Variants in LINGO1 observed in about 807,000 individuals in gnomAD.
The protein encoded by LINGO1 is leucine rich repeat and Ig domain containing 1.
In LINGO1, 11 loss-of-function variants were observed where a neutral mutation model predicts 37.3. The observed-to-expected ratio is 0.29, with a 90% CI of 0.19 to 0.49. The LOEUF is 0.49. Among genes scored for constraint, LINGO1 ranks in the 20% least tolerant of loss-of-function variants. The pLI is 0.99. For missense variants in LINGO1, 585 were observed against 878.2 expected (o/e 0.67, Z 4.22); for synonymous variants, 387 against 403.0 (o/e 0.96, Z 0.48).
chr15:77,767,549 A>G (rs748131352), intron 1 of LINGO1, among the ~76,000 whole-genome samples: 32 of 152,210 alleles, frequency 2.1e-4, no homozygotes, highest in Admixed American at 1.8e-3. Flanking sequence ...CCCCAGGGTC[A>G]TGGAGATGGA....
At chr15:77,663,548 A>G (rs1430123865) in intron 3 of LINGO1, among the ~76,000 whole-genome samples, 4 of 152,158 alleles carry the variant, frequency 2.6e-5, no homozygotes, top group Non-Finnish European at 4.4e-5. Flanking sequence ...TGGCAGTGAC[A>G]TCTTCAGGTA....
At chr15:77,813,160 T>A (rs1471255159) in intron 1 of LINGO1, among the ~76,000 whole-genome samples, 1 of 152,148 alleles carries the variant, frequency 6.6e-6, no homozygotes, top group Non-Finnish European at 1.5e-5. Context: ...GTTCCCTAAA[T>A]GTAAAGCTGA....
At chr15:77,627,312 C>T (rs1027729097) in intron 1 of LINGO1, among the ~76,000 whole-genome samples, 2 of 152,098 alleles carry the variant, frequency 1.3e-5, no homozygotes, top group African/African-American at 2.4e-5. Flanking sequence ...TGGAATCAAT[C>T]GTTGGTGTAC....
intron 1 of LINGO1, chr15:77,819,172 C>T (rs1397116476): frequency 6.8e-6 from 1 of 147,874 alleles, no homozygotes; most frequent in African/African-American, 2.5e-5. Context: ...AATCAGAGGC[C>T]GCGCGCGCCG....
At chr15:77,628,133 A>G (rs2074148440) in intron 1 of LINGO1, among the ~76,000 whole-genome samples, 1 of 152,222 alleles carries the variant, frequency 6.6e-6, no homozygotes, top group African/African-American at 2.4e-5. Flanking sequence ...GGTCTAACCA[A>G]TTTGGAAAAC....
intron 2 of LINGO1, among the ~76,000 whole-genome samples, chr15:77,794,904 T>C (rs1328240205): frequency 6.6e-6 from 1 of 152,148 alleles, no homozygotes; most frequent in Non-Finnish European, 1.5e-5. Context: ...GCCTAGTGCC[T>C]GGGAAGGAAA....
intron 1 of LINGO1, among the ~76,000 whole-genome samples, chr15:77,798,648 G>C (rs1486786353): frequency 1.3e-5 from 2 of 152,224 alleles, no homozygotes; most frequent in African/African-American, 2.4e-5. Flanking sequence ...CAGTGTGCCA[G>C]GTCCCAAGAA....
intron 1 of LINGO1, among the ~76,000 whole-genome samples, chr15:77,763,105 A>C (rs2076493971): frequency 6.6e-6 from 1 of 152,212 alleles, no homozygotes; most frequent in South Asian, 2.1e-4. Flanking sequence ...GTTATAATTA[A>C]GACGGGATGT....
chr15:77,663,803 C>T (rs949457415), intron 3 of LINGO1, among the ~76,000 whole-genome samples: 2 of 152,222 alleles, frequency 1.3e-5, no homozygotes, highest in Admixed American at 1.3e-4. Flanking sequence ...ATGGGGAGAG[C>T]CTCTGTCACC....
At chr15:77,688,477 G>C (rs1307957257) in intron 2 of LINGO1, among the ~76,000 whole-genome samples, 1 of 152,206 alleles carries the variant, frequency 6.6e-6, no homozygotes, top group Non-Finnish European at 1.5e-5. Flanking sequence ...GCGGGCAGCA[G>C]AACAATGCTA....
upstream of LINGO1, among the ~76,000 whole-genome samples, chr15:77,697,192 G>C (rs995464889): frequency 6.6e-6 from 1 of 152,206 alleles, no homozygotes; most frequent in Non-Finnish European, 1.5e-5. Flanking sequence ...CTCAGGCCAG[G>C]AAAGGTCTTC....
intron 1 of LINGO1, among the ~76,000 whole-genome samples, chr15:77,797,011 A>C: frequency 6.6e-6 from 1 of 151,908 alleles, no homozygotes; most frequent in Non-Finnish European, 1.5e-5. Flanking sequence ...ATCCTACTTT[A>C]TTTCTTCATC....
At chr15:77,732,882 C>T (rs1402682519) in intron 2 of LINGO1, among the ~76,000 whole-genome samples, 2 of 152,228 alleles carry the variant, frequency 1.3e-5, no homozygotes, top group Admixed American at 6.5e-5. Flanking sequence ...GAGGCCATCC[C>T]ACGAGTCATA....
At chr15:77,807,888 CCAG>C (rs2076973114) in intron 1 of LINGO1, among the ~76,000 whole-genome samples, 1 of 152,052 alleles carries the variant, frequency 6.6e-6, no homozygotes, top group South Asian at 2.1e-4. Context: ...GCAGCAACTT[CCAG>C]CAGCAGAGAT....
intron 1 of LINGO1, among the ~76,000 whole-genome samples, chr15:77,770,464 G>C (rs1167363834): frequency 6.6e-6 from 1 of 152,030 alleles, no homozygotes; most frequent in African/African-American, 2.4e-5. Context: ...GTGCATGCCT[G>C]TAATTCCAGC....
intron 1 of LINGO1, among the ~76,000 whole-genome samples, chr15:77,694,609 C>T (rs753971567): frequency 2.6e-5 from 4 of 152,192 alleles, no homozygotes; most frequent in African/African-American, 4.8e-5. Context: ...GGGTCTCAGC[C>T]TAGAAGATTT....
chr15:77,760,419 C>T (rs2076463682), intron 1 of LINGO1, among the ~76,000 whole-genome samples: 1 of 152,252 alleles, frequency 6.6e-6, no homozygotes, highest in African/African-American at 2.4e-5. Context: ...TTTGTTTGGC[C>T]TGCTCAGTGG....
chr15:77,698,939 C>T (rs2075732589), upstream of LINGO1, among the ~76,000 whole-genome samples: 1 of 152,156 alleles, frequency 6.6e-6, no homozygotes, highest in Non-Finnish European at 1.5e-5. Flanking sequence ...GTGCCCCGTG[C>T]AGTGGCCTTA....
intron 3 of LINGO1, among the ~76,000 whole-genome samples, chr15:77,660,867 G>A (rs1176034049): frequency 2.0e-5 from 3 of 152,182 alleles, no homozygotes; most frequent in Admixed American, 1.3e-4. Flanking sequence ...TCCCAAGACA[G>A]GCGGGAGGGA....
Sources: allele counts gnomAD v4.1 joint callset (sites outside exome capture counted in the v4.1 genomes callset), GRCh38; gene constraint gnomAD v4.1.1; transcripts MANE v1.5; gene names NCBI Gene and HGNC (gene_info 2026-07-23, HGNC 2026-07-21).